CLCC1: variants seen among roughly 807,000 people sequenced by gnomAD.
The protein encoded by CLCC1 is chloride channel CLIC like 1.
A neutral mutation model predicts 63.3 loss-of-function variants in CLCC1; 39 were observed. The ratio of observed to expected loss-of-function variants is 0.62; its 90% CI spans 0.48 to 0.81. The LOEUF (loss-of-function observed/expected upper bound fraction) is 0.81, where lower values mean the gene tolerates loss of function less well. CLCC1 is among the 30% of genes least tolerant of loss of function. CLCC1 has a pLI of 0.00. For missense variants in CLCC1, 549 were observed against 669.4 expected (o/e 0.82, Z 1.98); for synonymous variants, 217 against 239.8 (o/e 0.90, Z 0.88).
In CLCC1 at chr1:108,934,727, G is replaced by A. The variant is rs778079497; in HGVS notation, c.1599C>T (p.Pro533=). The A allele has an allele frequency of 1.4e-5, 22 of 1,614,008 alleles. 1 individual carries two copies. The highest frequency in any genetic ancestry group is 6.7e-5 in the African/African-American group (5 of 74,930). Residue 533 remains proline (P), a synonymous_variant, in exon 12 of 13, where the codon CCC becomes CCT. Coordinates refer to ENST00000369969, the MANE Select transcript of CLCC1 (RefSeq NM_001377458.1). ...CACGTGGTCCAGCCACACCTCTTGC[G>A]GGGCTGTATGTGCTGCCTTGGTCTG... is the stretch of plus-strand genomic sequence containing the variant. ...GSPDQGSTYS[P]ARGVAGPRGQ... is the part of the protein sequence containing the mutation.
chr1:108,952,883 C>A (rs879530018), intron 2 of CLCC1, among the ~76,000 whole-genome samples: 1 of 151,920 alleles, frequency 6.6e-6, no homozygotes, highest in Non-Finnish European at 1.5e-5. Flanking sequence ...GAGAAAATAA[C>A]CTGCCTTACC....
Position 108,939,696 on chromosome 1 carries a change from C to A in CLCC1, c.981G>T (p.Met327Ile), listed in dbSNP as rs1275664004. The A allele has an allele frequency of 5.0e-6, 8 of 1,614,142 alleles. No homozygotes were observed. The East Asian group carries it at 1.8e-4, about 36-fold the overall frequency. ...KGTGEFIKALMKEIPALLHLP... is the reference protein window; with the variant it reads ...KGTGEFIKALIKEIPALLHLP... Reference sequence around the variant, plus strand: ...GATGAAGCAGCGCTGGAATTTCCTTCATGAGTGCTTTAATAAATTCCCCAG... The same window carrying A: ...GATGAAGCAGCGCTGGAATTTCCTTAATGAGTGCTTTAATAAATTCCCCAG... The change falls in exon 10 of 13, where the codon ATG (methionine) becomes ATT (isoleucine). Residue 327 changes from methionine (M) to isoleucine (I), a missense_variant. Physicochemically the swap from Met to Ile is conservative, Grantham distance 10 (BLOSUM62 1). Coordinates refer to ENST00000369969, the MANE Select transcript of CLCC1 (RefSeq NM_001377458.1).
intron 8 of CLCC1, 92 bp from the exon 9 acceptor site, chr1:108,940,234 G>GA: frequency 1.4e-6 from 1 of 705,532 alleles, no homozygotes; most frequent in East Asian, 2.9e-5. Context: ...GACCCTCCCT[G>GA]ACCACCCACC....
chr1:108,942,328 T>C (rs1653957851), intron 7 of CLCC1, among the ~76,000 whole-genome samples: 1 of 152,228 alleles, frequency 6.6e-6, no homozygotes, highest in East Asian at 1.9e-4. Context: ...ATATCCTATT[T>C]TGCACTGGAT....
At chr1:108,940,014 T>G (rs770110408) in intron 9 of CLCC1, 31 bp downstream of exon 9, 3 of 1,514,444 alleles carry the variant, frequency 2.0e-6, no homozygotes, top group South Asian at 2.4e-5. Context: ...CTGACTGACT[T>G]TAAGTAATTT....
rs892468959 is a variant in CLCC1 at position 108,931,629 on chromosome 1, A to T, written c.*918T>A. 1 of 212,798 alleles carries T rather than the reference A, an allele frequency of 4.7e-6. No individual in the cohort carries two copies. The highest frequency in any genetic ancestry group is 6.3e-6 in the Non-Finnish European group (1 of 157,920). 13.2% of individuals were successfully genotyped at this position (212,798 alleles called of 1,614,324 possible). On this transcript the variant is annotated 3_prime_UTR_variant, in exon 13 of 13. Transcript: ENST00000369969. ...AATTAATTACATTAAGTGCTCAGCT[A>T]AAAAAAAAAAAAAAGTTCTAAATTA... is the stretch of plus-strand genomic sequence containing the variant.
chr1:108,950,516 TTA>T lies in CLCC1; in HGVS notation c.-11-70_-11-69del, dbSNP rs2101685331. On this transcript the variant is annotated intron_variant, in intron 2 of 12. Coordinates refer to ENST00000369969, the MANE Select transcript of CLCC1 (RefSeq NM_001377458.1). ...TTTAAATAAATTGGGTTTTGGGTTA[TTA>T]TTATTATTATTATTATTTTTAGAGA... The T allele has an allele frequency of 6.4e-6, 5 of 787,294 alleles. No individual in the cohort carries two copies. The African/African-American group carries it at 7.5e-5, about 12-fold the overall frequency. The allele number at this position is 787,294 out of a possible 1,614,324, so 48.8% of individuals were successfully genotyped here.
At chr1:108,958,971 T>C (rs1347105718) in intron 2 of CLCC1, among the ~76,000 whole-genome samples, 3 of 149,716 alleles carry the variant, frequency 2.0e-5, no homozygotes, top group Admixed American at 1.3e-4. Flanking sequence ...ATCGGGAGTT[T>C]GAGATCAGCC....
At chr1:108,939,175 GAC>G (rs1346059468) in intron 10 of CLCC1, among the ~76,000 whole-genome samples, 1 of 132,568 alleles carries the variant, frequency 7.5e-6, no homozygotes, top group African/African-American at 3.0e-5. Flanking sequence ...GCTAAATACT[GAC>G]AGTGCATATA....
intron 12 of CLCC1, 159 bp downstream of exon 12, chr1:108,934,466 G>GATGAA (rs1652543837): frequency 1.8e-6 from 1 of 546,024 alleles, no homozygotes; most frequent in Admixed American, 3.3e-5. Context: ...TCAAAGAGAA[G>GATGAA]ATGAAATGAA....
At position 108,937,233 on chromosome 1, in the gene CLCC1, T is replaced by C. The variant is rs1268462885; in HGVS notation, c.1227A>G (p.Gln409=). The change falls in exon 11 of 13, where the codon CAA becomes CAG. Residue 409 remains glutamine (Q), a synonymous_variant. Transcript: ENST00000369969. The part of the protein sequence containing the change: ...HYRGQMGPTE[Q]GPYAKTYEGR... The stretch of plus-strand genomic sequence containing the variant: ...CCTCATACGTTTTGGCATAAGGGCC[T>C]TGCTCAGTGGGGCCCATTTGGCCCC... 6.2e-7 allele frequency: 1 copy of C among 1,613,870 alleles called. No homozygotes were observed. Among genetic ancestry groups the C allele is most frequent in the Non-Finnish European group, 8.5e-7 (1 of 1,179,976 alleles).
chr1:108,929,997 T>G lies in CLCC1; in HGVS notation c.*2550A>C, dbSNP rs1651653309. ...CACGGTAAGGAAACAATCTATTACT[T>G]TTTTCCTTAAAAGGAGAATTTATAG... On this transcript the variant is annotated 3_prime_UTR_variant, in exon 13 of 13. Coordinates refer to ENST00000369969, the MANE Select transcript of CLCC1 (RefSeq NM_001377458.1). 6.6e-6 allele frequency: 10 copies of G among 1,512,674 alleles called. No individual in the cohort carries two copies. The highest frequency in any genetic ancestry group is 9.1e-6 in the Non-Finnish European group (10 of 1,095,370). 93.7% of individuals were successfully genotyped at this position (1,512,674 alleles called of 1,614,324 possible).
At chr1:108,958,696 T>A (rs771468536) in intron 2 of CLCC1, among the ~76,000 whole-genome samples, 33 of 148,512 alleles carry the variant, frequency 2.2e-4, no homozygotes, top group Non-Finnish European at 4.1e-4. Context: ...GTGGCCAACA[T>A]GGCGAAACCC....
intron 2 of CLCC1, among the ~76,000 whole-genome samples, chr1:108,958,280 AT>A (rs1179893658): frequency 6.6e-6 from 1 of 151,482 alleles, no homozygotes; most frequent in Non-Finnish European, 1.5e-5. Context: ...AAAATATTAA[AT>A]GGAAAATTCC....
Position 108,931,565 on chromosome 1 carries a change from T to G in CLCC1, c.*982A>C. The G allele has an allele frequency of 6.8e-7, 1 of 1,474,446 alleles. No individual in the cohort carries two copies. The highest frequency in any genetic ancestry group is 9.1e-7 in the Non-Finnish European group (1 of 1,104,910). 91.3% of individuals were successfully genotyped at this position (1,474,446 alleles called of 1,614,324 possible). A position where few individuals can be genotyped will look rare whatever the true frequency, so the allele number is the denominator to read the frequency against. ...GATTTGGATGGGCAAATAGAACTAT[T>G]TCTCTAATGGCCAATGTTTTTTAAG... On this transcript the variant is annotated 3_prime_UTR_variant, in exon 13 of 13. Transcript: ENST00000369969.
intron 11 of CLCC1, among the ~76,000 whole-genome samples, chr1:108,935,896 A>G (rs1476059481): frequency 6.6e-6 from 1 of 152,144 alleles, no homozygotes; most frequent in Non-Finnish European, 1.5e-5. Context: ...TGGCTAAAGT[A>G]GAGTAAGCAC....
Position 108,934,748 on chromosome 1 carries a change from G to A in CLCC1, c.1578C>T (p.Asp526=), listed in dbSNP as rs781130148. 4 of 1,614,202 alleles carry A rather than the reference G, an allele frequency of 2.5e-6. No individual in the cohort carries two copies. Among genetic ancestry groups the A allele is most frequent in the Non-Finnish European group, 3.4e-6 (4 of 1,180,038 alleles). The change falls in exon 12 of 13, where the codon GAC becomes GAT. Residue 526 remains aspartate (D), a synonymous_variant. Transcript: ENST00000369969. ...TTGCGGGGCTGTATGTGCTGCCTTGGTCTGGGCTGCCTGCGGCTTCAGACT... is the reference window on the plus strand; with the variant it reads ...TTGCGGGGCTGTATGTGCTGCCTTGATCTGGGCTGCCTGCGGCTTCAGACT... ...QLKSEAAGSP[D]QGSTYSPARG... is the part of the protein sequence containing the mutation.
intron 10 of CLCC1, among the ~76,000 whole-genome samples, chr1:108,939,377 G>A (rs1354830421): frequency 6.7e-6 from 1 of 149,332 alleles, no homozygotes; most frequent in Admixed American, 6.7e-5. Context: ...TGCGATCTCG[G>A]CTCACTGCAA....
At chr1:108,942,400 T>C (rs1230874910) in intron 7 of CLCC1, among the ~76,000 whole-genome samples, 1 of 152,236 alleles carries the variant, frequency 6.6e-6, no homozygotes, top group Non-Finnish European at 1.5e-5. Flanking sequence ...CAACTTTCCT[T>C]CCACACAGAA....
Sources: gnomAD v4.1 joint callset for allele counts (sites outside exome capture counted in the v4.1 genomes callset) on GRCh38, gnomAD v4.1.1 for gene constraint, MANE v1.5 for transcripts, NCBI Gene and HGNC (gene_info 2026-07-23, HGNC 2026-07-21) for gene names.